HAS2: variants seen among roughly 807,000 people sequenced by gnomAD.
The protein encoded by HAS2 is hyaluronan synthase 2, also known as HA synthase 2.
In HAS2, 16 loss-of-function variants were observed where a neutral mutation model predicts 51.6. The ratio of observed to expected loss-of-function variants is 0.31; its 90% confidence interval spans 0.21 to 0.47. HAS2 has a LOEUF of 0.47. HAS2 is among the 20% of genes least tolerant of loss of function. The pLI is 1.00. For synonymous variants in HAS2, 228 were observed against 235.5 expected, an observed-to-expected ratio of 0.97 and a Z score of 0.29; for missense variants, 361 against 662.6, an observed-to-expected ratio of 0.54 and a Z score of 5.00.
intron 2 of HAS2, among the ~76,000 whole-genome samples, chr8:121,617,695 T>C (rs1370730582): frequency 6.6e-6 from 1 of 152,196 alleles, no homozygotes; most frequent in South Asian, 2.1e-4. Context: ...GGAGACATAT[T>C]TAGTAATGAT....
chr8:121,613,982 G>A lies in HAS2; in HGVS notation c.*127C>T, dbSNP rs1444496616. On this transcript the variant is annotated 3_prime_UTR_variant, in exon 4 of 4. Coordinates refer to ENST00000303924, the MANE Select transcript of HAS2 (RefSeq NM_005328.3). The stretch of plus-strand genomic sequence containing the variant: ...AGAATGAAAATAAACCCATATAAAT[G>A]TCTTTGTTCAAGTCCCAGCAGCAGT... 4.3e-6 allele frequency: 6 copies of A among 1,407,558 alleles called. No individual in the cohort carries two copies. Among genetic ancestry groups the A allele is most frequent in the South Asian group, 1.2e-5 (1 of 82,594 alleles). 87.2% of individuals were successfully genotyped at this position (1,407,558 alleles called of 1,614,324 possible).
At chr8:121,618,172 T>C (rs1246762323) in intron 2 of HAS2, among the ~76,000 whole-genome samples, 1 of 152,170 alleles carries the variant, frequency 6.6e-6, no homozygotes. Flanking sequence ...AACTGAAAAG[T>C]TAAACAGAAA....
intron 2 of HAS2, 65 bp from the exon 3 acceptor site, chr8:121,617,271 T>A (rs1039584872): frequency 2.1e-6 from 2 of 936,448 alleles, no homozygotes; most frequent in Non-Finnish European, 3.4e-6. Flanking sequence ...TTCCCTGTAG[T>A]CAAAATTTCA....
At position 121,614,362 on chromosome 8, in the gene HAS2, T is replaced by C; in HGVS notation, c.1406A>G (p.Lys469Arg). The change falls in exon 4 of 4, where the codon AAA (lysine) becomes AGA (arginine). Residue 469 changes from lysine (K) to arginine (R), a missense_variant. By Grantham distance (26) the Lys-to-Arg change is conservative (BLOSUM62 2). Transcript: ENST00000303924. This position sits in a 1 kb window ranked among gnomAD's most constrained non-coding sequence, Gnocchi z 7.2. ...NKAGWGTSGR[K>R]TIVVNFIGLI... is the part of the protein sequence containing the mutation. ...TCCTATGAAATTAACAACAATGGTT[T>C]TCCTTCCTGATGTGCCCCACCCAGC... 6.2e-7 allele frequency: 1 copy of C among 1,614,124 alleles called. No individual in the cohort carries two copies. The highest frequency in any genetic ancestry group is 8.5e-7 in the Non-Finnish European group (1 of 1,179,964).
chr8:121,639,354 C>T (rs1813057088), intron 1 of HAS2: 2 of 152,332 alleles, frequency 1.3e-5, no homozygotes, highest in Admixed American at 1.3e-4. Context: ...GCAATTGCTC[C>T]TGAGACCCAA....
Position 121,641,127 on chromosome 8 carries a change from ATAAAT to A in HAS2, c.-280_-276del, listed in dbSNP as rs1813091375. 6.7e-6 allele frequency: 1 copy of A among 149,870 alleles called. No individual in the cohort carries two copies. Among genetic ancestry groups the A allele is most frequent in the Non-Finnish European group, 1.5e-5 (1 of 67,624 alleles). The allele number at this position is 149,870 out of a possible 1,614,324, so 9.3% of individuals were successfully genotyped here. ...TTCTTAAAAAAATTATGCTTTAAAA[ATAAAT>A]TAACTTTTCTTTTTTCTTTTCTTTT... On this transcript the variant is annotated 5_prime_UTR_variant, in exon 1 of 4. Coordinates refer to ENST00000303924, the MANE Select transcript of HAS2 (RefSeq NM_005328.3).
At chr8:121,630,270 T>G (rs1812912909) in intron 1 of HAS2, among the ~76,000 whole-genome samples, 1 of 152,222 alleles carries the variant, frequency 6.6e-6, no homozygotes, top group Non-Finnish European at 1.5e-5. Flanking sequence ...TTCCATCCTG[T>G]TAAAAGCCAT....
At chr8:121,631,688 A>C (rs1812932793) in intron 1 of HAS2, among the ~76,000 whole-genome samples, 1 of 152,218 alleles carries the variant, frequency 6.6e-6, no homozygotes, top group Non-Finnish European at 1.5e-5. Flanking sequence ...GTTAATTAAC[A>C]CAGCTGAGGG....
Position 121,629,183 on chromosome 8 carries a change from A to C in HAS2, c.158T>G (p.Leu53Trp), listed in dbSNP as rs865981026. 1 of 1,613,780 alleles carries C rather than the reference A, an allele frequency of 6.2e-7. No homozygotes were observed. Among genetic ancestry groups the C allele is most frequent in the South Asian group, 1.1e-5 (1 of 91,082 alleles). The change falls in exon 2 of 4, where the codon TTG becomes TGG. Residue 53 changes from leucine (L) to tryptophan (W), a missense_variant. Around this residue, in one of 5 missense-constraint regions of HAS2, gnomAD observed 145 missense variants for 217.6 expected, o/e 0.67. Transcript: ENST00000303924. The part of the protein sequence containing the change: ...YFSFGLYGAF[L>W]ASHLIIQSLF... Reference sequence around the variant, plus strand: ...GCTTTGGATGATGAGGTGTGATGCCAAAAAGGCACCATACAGTCCAAAAGA... The same window carrying C: ...GCTTTGGATGATGAGGTGTGATGCCCAAAAGGCACCATACAGTCCAAAAGA...
At chr8:121,625,701 T>TTTTTTTTGAG (rs1812839721) in intron 2 of HAS2, among the ~76,000 whole-genome samples, 1 of 128,776 alleles carries the variant, frequency 7.8e-6, no homozygotes, top group Non-Finnish European at 1.6e-5. Context: ...TTTTTTTTTT[T>TTTTTTTTGAG]GTAGAGATGA....
intron 1 of HAS2, among the ~76,000 whole-genome samples, chr8:121,636,422 C>T (rs1319557577): frequency 1.3e-5 from 2 of 152,158 alleles, no homozygotes; most frequent in Admixed American, 6.5e-5. Context: ...TTCTCTTCCT[C>T]TCTGGCTTTG....
At chr8:121,638,981 T>A (rs1178042594) in intron 1 of HAS2, among the ~76,000 whole-genome samples, 1 of 152,212 alleles carries the variant, frequency 6.6e-6, no homozygotes, top group East Asian at 1.9e-4. Flanking sequence ...TAAATATGTG[T>A]TGACCTTTTT....
chr8:121,620,527 G>A (rs1381237759), intron 2 of HAS2, among the ~76,000 whole-genome samples: 4 of 152,110 alleles, frequency 2.6e-5, no homozygotes, highest in Non-Finnish European at 5.9e-5. Context: ...AGCGTAATTC[G>A]TTGAAACCAC....
At chr8:121,625,140 C>T (rs1328035153) in intron 2 of HAS2, among the ~76,000 whole-genome samples, 2 of 148,280 alleles carry the variant, frequency 1.3e-5, no homozygotes, top group African/African-American at 4.9e-5. Flanking sequence ...ATATATTTTA[C>T]GTTTTCTGAT....
chr8:121,618,482 C>T (rs1327459103), intron 2 of HAS2, among the ~76,000 whole-genome samples: 1 of 152,050 alleles, frequency 6.6e-6, no homozygotes, highest in African/African-American at 2.4e-5. Context: ...CTCCTTTTCT[C>T]TTAGGAAAGG....
chr8:121,627,685 T>G (rs997567746), intron 2 of HAS2, among the ~76,000 whole-genome samples: 2 of 152,154 alleles, frequency 1.3e-5, no homozygotes, highest in African/African-American at 4.8e-5. Flanking sequence ...GATTAGAACT[T>G]TGGTCAACTG....
chr8:121,635,596 T>A (rs1458106999), intron 1 of HAS2, among the ~76,000 whole-genome samples: 4 of 152,198 alleles, frequency 2.6e-5, no homozygotes, highest in Non-Finnish European at 4.4e-5. Flanking sequence ...TATGAATAAG[T>A]CATGTGTCCT....
chr8:121,634,268 G>A (rs1410017932), intron 1 of HAS2, among the ~76,000 whole-genome samples: 1 of 151,950 alleles, frequency 6.6e-6, no homozygotes, highest in Non-Finnish European at 1.5e-5. Flanking sequence ...TTCATAAAGT[G>A]GTCCTTCCAT....
intron 1 of HAS2, among the ~76,000 whole-genome samples, chr8:121,635,806 C>T (rs1423988310): frequency 6.6e-6 from 1 of 152,194 alleles, no homozygotes; most frequent in African/African-American, 2.4e-5. Context: ...GGTTCTAAAA[C>T]ATAGGCTGTC....
Sources: gnomAD v4.1 joint callset for allele counts (sites outside exome capture counted in the v4.1 genomes callset) on GRCh38, gnomAD v4.1.1 for gene constraint, gnomAD v4.1.1 regional missense constraint, Gnocchi (gnomAD v3.1) non-coding constraint, MANE v1.5 for transcripts, NCBI Gene and HGNC (gene_info 2026-07-23, HGNC 2026-07-21) for gene names.